CDH18: variants seen among roughly 807,000 people sequenced by gnomAD.
The protein encoded by CDH18 is cadherin 18, also known as cadherin-18.
Under a neutral mutation model 67.9 loss-of-function variants are expected in CDH18, and 31 were observed. The ratio of observed to expected loss-of-function variants is 0.46; its 90% CI spans 0.34 to 0.62. The LOEUF (loss-of-function observed/expected upper bound fraction) is 0.62. CDH18 is among the 20% of genes least tolerant of loss of function. The pLI, the probability that CDH18 is intolerant of heterozygous loss-of-function variation, is 0.01. For synonymous variants in CDH18, 362 were observed against 347.2 expected (o/e 1.04, Z -0.48); for missense variants, 890 against 975.5 (o/e 0.91, Z 1.17).
chr5:20,043,876 G>C (rs1740668280), intron 2 of CDH18, among the ~76,000 whole-genome samples: 1 of 152,056 alleles, frequency 6.6e-6, no homozygotes, highest in African/African-American at 2.4e-5. Flanking sequence ...TGTTTCTATG[G>C]AAATCCTAAA....
chr5:19,974,346 A>G (rs577020306), intron 2 of CDH18, among the ~76,000 whole-genome samples: 413 of 152,016 alleles, frequency 2.7e-3, no homozygotes, highest in Non-Finnish European at 4.3e-3. Context: ...AGCCTGGCCA[A>G]TGTGGTGAAA....
Position 20,490,190 on chromosome 5 carries a change from C to T in CDH18, c.-580+85272G>A, listed in dbSNP as rs78409290. ...ATAGCTTGTACTCCCACCATGCATTCGGGCCCTGGGGCCATTTTTATGATC... is the reference window on the plus strand; with the variant it reads ...ATAGCTTGTACTCCCACCATGCATTTGGGCCCTGGGGCCATTTTTATGATC... On this transcript the variant is annotated intron_variant, in intron 1 of 14. Transcript: ENST00000507958. Among the ~76,000 whole-genome samples, 820 of 152,040 alleles carry T rather than the reference C, an allele frequency of 5.4e-3. 10 individuals are homozygous for T. Among genetic ancestry groups the T allele is most frequent in the African/African-American group, 0.019 (773 of 41,524 alleles).
chr5:20,111,647 C>T lies in CDH18; in HGVS notation c.-517-119633G>A, dbSNP rs544195363. Among the ~76,000 whole-genome samples the T allele has an allele frequency of 6.0e-5, 9 of 149,182 alleles. No homozygotes were observed. In the South Asian group the frequency reaches 1.3e-3, roughly 21 times the overall value. ...GCAACCTCCACCTCCCTGGTTCAAG[C>T]GATTCTCCTACCTCAGCCTGCCAAG... On this transcript the variant is annotated intron_variant, in intron 2 of 14. Transcript: ENST00000507958.
intron 4 of CDH18, among the ~76,000 whole-genome samples, chr5:19,725,602 T>G (rs1307243082): frequency 6.6e-6 from 1 of 152,066 alleles, no homozygotes; most frequent in Non-Finnish European, 1.5e-5. Flanking sequence ...AAATCTCATC[T>G]CTACTAAAAA....
At chr5:20,504,522 A>G (rs1754535029) in intron 1 of CDH18, among the ~76,000 whole-genome samples, 1 of 152,140 alleles carries the variant, frequency 6.6e-6, no homozygotes, top group Admixed American at 6.5e-5. Flanking sequence ...GTTTTTTCTC[A>G]TAAGTAGCTT....
In CDH18 at chr5:19,596,242, A is replaced by T. The variant is rs577441857; in HGVS notation, c.812-4998T>A. Among the ~76,000 whole-genome samples, 103 of 152,360 alleles carry T rather than the reference A, an allele frequency of 6.8e-4. 1 individual carries two copies. Among genetic ancestry groups the T allele is most frequent in the Non-Finnish European group, 1.3e-3 (90 of 68,036 alleles). On this transcript the variant is annotated intron_variant, in intron 6 of 12. Transcript: ENST00000382275. Reference sequence around the variant, plus strand: ...ATGTTGAAAGGCCAAATTTGAGGGCATAAAATCAGCATCAAAGAGAAGCCA... The same window carrying T: ...ATGTTGAAAGGCCAAATTTGAGGGCTTAAAATCAGCATCAAAGAGAAGCCA...
upstream of CDH18, chr5:19,992,112 C>G (rs919402297): frequency 6.6e-6 from 1 of 151,162 alleles, no homozygotes; most frequent in Admixed American, 6.6e-5. Context: ...CAAAGATAAC[C>G]GTATGTGCAA....
chr5:20,167,157 A>G (rs1736356525), intron 2 of CDH18, among the ~76,000 whole-genome samples: 1 of 152,170 alleles, frequency 6.6e-6, no homozygotes. Context: ...TATAATAAAT[A>G]TATTTGAGGA....
rs561355338 is a variant in CDH18, at chr5:20,047,892, G to A, written c.-517-55878C>T. Among the ~76,000 whole-genome samples, 11 of 151,798 alleles carry A rather than the reference G, an allele frequency of 7.2e-5. No individual in the cohort carries two copies. The East Asian group carries it at 1.7e-3, about 24-fold the overall frequency. On this transcript the variant is annotated intron_variant, in intron 2 of 14. Transcript: ENST00000507958. The stretch of plus-strand genomic sequence containing the variant: ...CAGAAATCATCAAATGCAGGTTAGG[G>A]CACTAATTATCTAAAACTAAGAATG...
chr5:19,746,736 T>A (rs1770046038), intron 4 of CDH18, among the ~76,000 whole-genome samples: 2 of 152,168 alleles, frequency 1.3e-5, no homozygotes, highest in African/African-American at 4.8e-5. Flanking sequence ...TACACTTACA[T>A]GATTAGAAAT....
Position 20,082,476 on chromosome 5 carries a change from T to C in CDH18, c.-517-90462A>G, listed in dbSNP as rs372452554. On this transcript the variant is annotated intron_variant, in intron 2 of 14. Coordinates refer to the CDH18 transcript ENST00000507958. ...TTTCTAGTTATTAAGCCTAGTGGTCTATGTAACTATTTTTTGCAAATTGCA... is the reference window on the plus strand; with the variant it reads ...TTTCTAGTTATTAAGCCTAGTGGTCCATGTAACTATTTTTTGCAAATTGCA... Among the ~76,000 whole-genome samples, 100 of 152,350 alleles carry C rather than the reference T, an allele frequency of 6.6e-4. 1 individual carries two copies. The South Asian group carries it at 0.018, about 27-fold the overall frequency.
chr5:19,640,368 G>A (rs1044940796), intron 5 of CDH18, among the ~76,000 whole-genome samples: 14 of 152,064 alleles, frequency 9.2e-5, no homozygotes, highest in African/African-American at 1.9e-4. Context: ...TTTGGTATAC[G>A]ATTGAAATTA....
chr5:20,481,315 G>A (rs1452080924), intron 1 of CDH18, among the ~76,000 whole-genome samples: 3 of 151,808 alleles, frequency 2.0e-5, no homozygotes, highest in Non-Finnish European at 4.4e-5. Context: ...GTCAAAATCC[G>A]AGGACTCAGA....
At chr5:20,378,329 G>A (rs1046704349) in intron 1 of CDH18, among the ~76,000 whole-genome samples, 1 of 151,900 alleles carries the variant, frequency 6.6e-6, no homozygotes, top group East Asian at 1.9e-4. Flanking sequence ...CCACCACCAC[G>A]CCCAGCTAAT....
intron 3 of CDH18, among the ~76,000 whole-genome samples, chr5:19,808,482 T>A (rs1021802457): frequency 2.6e-5 from 4 of 152,118 alleles, no homozygotes; most frequent in African/African-American, 9.7e-5. Flanking sequence ...AATAATGTAA[T>A]ACCAATGTTA....
At chr5:20,112,485 C>T (rs944257132) in intron 2 of CDH18, among the ~76,000 whole-genome samples, 3 of 152,120 alleles carry the variant, frequency 2.0e-5, no homozygotes, top group African/African-American at 7.2e-5. Flanking sequence ...AAGTGGTTAG[C>T]ATAAAGCAGG....
intron 2 of CDH18, among the ~76,000 whole-genome samples, chr5:20,082,462 T>G (rs140617208): frequency 2.7e-3 from 417 of 152,332 alleles, no homozygotes; most frequent in Non-Finnish European, 4.6e-3. Flanking sequence ...TTCTAGTTAT[T>G]AAGCCTAGTG....
chr5:19,917,002 C>T (rs113215051), intron 2 of CDH18, among the ~76,000 whole-genome samples: 14 of 152,236 alleles, frequency 9.2e-5, no homozygotes, highest in African/African-American at 3.1e-4. Flanking sequence ...GTGCAATCTA[C>T]ACTTCTTTAA....
At chr5:19,853,143 A>C (rs1783900834) in intron 2 of CDH18, among the ~76,000 whole-genome samples, 1 of 152,122 alleles carries the variant, frequency 6.6e-6, no homozygotes, top group Non-Finnish European at 1.5e-5. Context: ...GTATTTTCTC[A>C]CTGTTCTGGA....
Sources: gnomAD v4.1 joint callset for allele counts (sites outside exome capture counted in the v4.1 genomes callset) on GRCh38, gnomAD v4.1.1 for gene constraint, MANE v1.5 for transcripts, NCBI Gene and HGNC (gene_info 2026-07-23, HGNC 2026-07-21) for gene names.